Variants in CFAP221 observed in about 807,000 individuals in gnomAD.
CFAP221 encodes cilia- and flagella-associated protein 221.
Under a neutral mutation model 113.1 loss-of-function variants are expected in CFAP221, and 97 were observed. That is an observed-to-expected ratio of 0.86 (90% CI 0.73 to 1.02). The LOEUF is 1.02. Among genes scored for constraint, CFAP221 ranks in the 50% least tolerant of loss-of-function variants. The probability of loss-of-function intolerance (pLI) is 0.00; values close to 1 mark genes in which losing one functional copy is unlikely to be tolerated. For missense variants in CFAP221, 1,025 were observed against 1,013.4 expected, an observed-to-expected ratio of 1.01 and a Z score of -0.16; for synonymous variants, 331 against 354.4, an observed-to-expected ratio of 0.93 and a Z score of 0.74.
At chr2:119,561,916 T>C in intron 5 of CFAP221, 98 bp from the exon 6 acceptor site, 1 of 826,952 alleles carries the variant, frequency 1.2e-6, no homozygotes, top group African/African-American at 1.8e-5. Flanking sequence ...AAATATTTTT[T>C]AACGATGGAA....
At position 119,572,685 on chromosome 2, in the gene CFAP221, G is replaced by T. The variant is rs115549430; in HGVS notation, c.527+10571G>T. The T allele has an allele frequency of 5.2e-3, 3,201 of 617,956 alleles. 68 individuals carry two copies. Among genetic ancestry groups the T allele is most frequent in the African/African-American group, 0.051 (2,829 of 55,464 alleles). 38.3% of individuals were successfully genotyped at this position (617,956 alleles called of 1,614,324 possible). ...TGGTTAGCGTGCTCTAGACAAACCT[G>T]CCTGAAACTCACCTGGGGAAGTGAT... On this transcript the variant is annotated intron_variant, in intron 6 of 23. Transcript: ENST00000413369.
At chr2:119,566,371 C>T (rs1334298387) in intron 6 of CFAP221, among the ~76,000 whole-genome samples, 2 of 152,298 alleles carry the variant, frequency 1.3e-5, no homozygotes, top group East Asian at 3.9e-4. Context: ...GACTTGCTCC[C>T]GACCACCGCC....
At chr2:119,646,391 G>A (rs140626354) in intron 21 of CFAP221, among the ~76,000 whole-genome samples, 4 of 152,172 alleles carry the variant, frequency 2.6e-5, no homozygotes, top group East Asian at 3.9e-4. Flanking sequence ...CAATCATGGC[G>A]GAAGGCAAAG....
chr2:119,577,704 T>C (rs187224957), intron 6 of CFAP221, among the ~76,000 whole-genome samples: 165 of 152,254 alleles, frequency 1.1e-3, no homozygotes, highest in South Asian at 8.7e-3. Flanking sequence ...TTAGATGACA[T>C]ATAAGCACAA....
chr2:119,580,056 G>A (rs1255580751), intron 6 of CFAP221: 4 of 152,194 alleles, frequency 2.6e-5, no homozygotes, highest in African/African-American at 4.8e-5. Flanking sequence ...TACCTCACAC[G>A]CATGTGTAAC....
chr2:119,588,906 G>T (rs911739132), intron 7 of CFAP221, among the ~76,000 whole-genome samples: 1 of 152,102 alleles, frequency 6.6e-6, no homozygotes. Context: ...GAAGTGGACC[G>T]AGGGCCACTC....
intron 6 of CFAP221, among the ~76,000 whole-genome samples, chr2:119,578,432 C>T (rs72963189): frequency 0.19 from 28,649 of 152,096 alleles, 2,881 homozygotes; most frequent in African/African-American, 0.25. Context: ...GCACACGATA[C>T]ATCATTGTTG....
chr2:119,630,648 C>G lies in CFAP221; in HGVS notation c.1810C>G (p.Leu604Val), dbSNP rs969204458. The part of the protein sequence containing the change: ...KSSTSYRPQK[L>V]ARALKQGAED... ...TTCAACAAGTTACAGACCTCAAAAG[C>G]TTGCCCGAGCCCTAAAGCAAGGAGC... is the stretch of plus-strand genomic sequence containing the variant. Residue 604 changes from leucine to valine, a missense_variant, in exon 18 of 24, where the codon CTT becomes GTT. Physicochemically the swap from Leu to Val is conservative, Grantham distance 32 (BLOSUM62 1). Transcript: ENST00000413369. 4 of 1,613,828 alleles carry G rather than the reference C, an allele frequency of 2.5e-6. No individual in the cohort carries two copies. The highest frequency in any genetic ancestry group is 3.3e-5 in the Admixed American group (2 of 60,020).
intron 3 of CFAP221, among the ~76,000 whole-genome samples, chr2:119,555,819 C>T (rs17049222): frequency 0.011 from 1,675 of 152,288 alleles, 37 homozygotes; most frequent in African/African-American, 0.039. Flanking sequence ...ATGGCCTCTG[C>T]AGTCTTCCTG....
At chr2:119,602,040 C>T (rs1213923819) in intron 8 of CFAP221, among the ~76,000 whole-genome samples, 2 of 152,124 alleles carry the variant, frequency 1.3e-5, no homozygotes, top group African/African-American at 4.8e-5. Flanking sequence ...GTCAGTACCT[C>T]TGGTTAACAT....
chr2:119,589,574 C>T (rs1683456757), intron 7 of CFAP221: 1 of 152,230 alleles, frequency 6.6e-6, no homozygotes, highest in South Asian at 2.1e-4. Context: ...CATCCCTAGT[C>T]TGTTAGGTTA....
At chr2:119,580,793 A>G (rs1009362718) in intron 6 of CFAP221, 1 of 152,294 alleles carries the variant, frequency 6.6e-6, no homozygotes, top group Non-Finnish European at 1.5e-5. Context: ...GCAGTCAGGC[A>G]GTGTTGGAGA....
chr2:119,562,577 A>G, intron 6 of CFAP221, among the ~76,000 whole-genome samples: 1 of 152,220 alleles, frequency 6.6e-6, no homozygotes, highest in Middle Eastern at 3.2e-3. Flanking sequence ...GAGGCTTATC[A>G]GACCTCATAT....
At chr2:119,643,215 A>G (rs1281787075) in intron 21 of CFAP221, among the ~76,000 whole-genome samples, 1 of 152,170 alleles carries the variant, frequency 6.6e-6, no homozygotes, top group East Asian at 1.9e-4. Flanking sequence ...AGCTCCTATT[A>G]CTTACGAGGT....
At chr2:119,646,201 G>A (rs779721901) in intron 21 of CFAP221, among the ~76,000 whole-genome samples, 58 of 152,162 alleles carry the variant, frequency 3.8e-4, no homozygotes, top group Non-Finnish European at 1.3e-4. Context: ...AAAGGTGGAG[G>A]GAAAATACTA....
chr2:119,574,139 T>C (rs1351529068), intron 6 of CFAP221, among the ~76,000 whole-genome samples: 2 of 152,168 alleles, frequency 1.3e-5, no homozygotes, highest in Non-Finnish European at 2.9e-5. Context: ...GATACTCTGC[T>C]CTCCTCCCCT....
intron 6 of CFAP221, chr2:119,572,497 A>T (rs770575734): frequency 5.9e-6 from 4 of 674,628 alleles, no homozygotes; most frequent in Non-Finnish European, 8.2e-6. Flanking sequence ...TTCCATTCCC[A>T]TGGTTCTAAA....
At chr2:119,633,565 C>A (rs538681611) in intron 19 of CFAP221, among the ~76,000 whole-genome samples, 149 of 151,144 alleles carry the variant, frequency 9.9e-4, no homozygotes, top group African/African-American at 3.3e-3. Context: ...ATATAGTCAG[C>A]AAACTATATA....
At chr2:119,653,990 C>T (rs528822680) in intron 23 of CFAP221, among the ~76,000 whole-genome samples, 2 of 151,972 alleles carry the variant, frequency 1.3e-5, no homozygotes, top group East Asian at 3.9e-4. Context: ...TGCAAGAGTC[C>T]CTCATTTATT....
Sources: allele counts gnomAD v4.1 joint callset (sites outside exome capture counted in the v4.1 genomes callset), GRCh38; gene constraint gnomAD v4.1.1; transcripts MANE v1.5; gene names NCBI Gene and HGNC (gene_info 2026-07-23, HGNC 2026-07-21).